The following DACH1 variants were observed in gnomAD, a reference collection of about 807,000 sequenced individuals.
DACH1 encodes the protein dachshund family transcription factor 1, also known as dachshund homolog 1.
Under a neutral mutation model 54.2 loss-of-function variants are expected in DACH1, and 12 were observed. The observed-to-expected ratio is 0.22, with a 90% CI of 0.14 to 0.36. DACH1 has a LOEUF of 0.36. DACH1 is among the 10% of genes least tolerant of loss of function. The pLI, the probability that DACH1 is intolerant of heterozygous loss-of-function variation, is 1.00. For missense variants in DACH1, 805 were observed against 929.8 expected (o/e 0.87, Z 1.75); for synonymous variants, 386 against 366.2 (o/e 1.05, Z -0.62).
intron 2 of DACH1, among the ~76,000 whole-genome samples, chr13:71,680,086 A>G (rs1254479100): frequency 6.6e-6 from 1 of 152,236 alleles, no homozygotes; most frequent in Non-Finnish European, 1.5e-5. Context: ...AGGATTAACA[A>G]CGTACTACCT....
At chr13:71,770,917 T>G (rs1455003024) in intron 1 of DACH1, among the ~76,000 whole-genome samples, 1 of 151,586 alleles carries the variant, frequency 6.6e-6, no homozygotes, top group Non-Finnish European at 1.5e-5. Context: ...GATTGGAATT[T>G]GTGTTAACTT....
chr13:71,661,742 T>C (rs1879502747), intron 2 of DACH1, among the ~76,000 whole-genome samples: 1 of 152,030 alleles, frequency 6.6e-6, no homozygotes, highest in Admixed American at 6.6e-5. Flanking sequence ...AAAACATCCC[T>C]GTACAACACA....
chr13:71,446,770 G>T (rs1281657369), intron 10 of DACH1, among the ~76,000 whole-genome samples: 1 of 152,204 alleles, frequency 6.6e-6, no homozygotes, highest in Admixed American at 6.5e-5. Context: ...CCTCCTGGGA[G>T]CAGGGCTTCT....
chr13:71,703,583 G>T (rs1206993021), intron 1 of DACH1, among the ~76,000 whole-genome samples: 3 of 152,198 alleles, frequency 2.0e-5, no homozygotes, highest in African/African-American at 7.2e-5. Context: ...TATTTTTTGT[G>T]ATACTTAAAA....
intron 1 of DACH1, among the ~76,000 whole-genome samples, chr13:71,746,508 A>G (rs1884607307): frequency 6.6e-6 from 1 of 152,184 alleles, no homozygotes; most frequent in South Asian, 2.1e-4. Context: ...ATCAACTACA[A>G]AAATTCCCAG....
intron 1 of DACH1, among the ~76,000 whole-genome samples, chr13:71,825,508 G>A (rs1888345722): frequency 6.6e-6 from 1 of 152,090 alleles, no homozygotes; most frequent in Non-Finnish European, 1.5e-5. Flanking sequence ...TTAGGTGTGA[G>A]TAATTTTGCC....
At chr13:71,508,324 T>G (rs1241852083) in intron 6 of DACH1, among the ~76,000 whole-genome samples, 1 of 152,226 alleles carries the variant, frequency 6.6e-6, no homozygotes, top group East Asian at 1.9e-4. Context: ...TGACTTGGGC[T>G]TCTGTTCCCT....
intron 1 of DACH1, among the ~76,000 whole-genome samples, chr13:71,812,262 C>T (rs933566693): frequency 2.0e-5 from 3 of 152,160 alleles, no homozygotes; most frequent in African/African-American, 7.2e-5. Context: ...TTGGTGTCTA[C>T]TTGTCTCCCT....
chr13:71,831,524 G>C (rs560522301), intron 1 of DACH1, among the ~76,000 whole-genome samples: 2 of 151,694 alleles, frequency 1.3e-5, no homozygotes, highest in Admixed American at 1.3e-4. Context: ...GTGATATATA[G>C]GGTGGGCTTT....
intron 1 of DACH1, among the ~76,000 whole-genome samples, chr13:71,810,733 A>T (rs1887676789): frequency 6.6e-6 from 1 of 152,196 alleles, no homozygotes; most frequent in Admixed American, 6.5e-5. Context: ...AACAAAATGC[A>T]CTACGTTACA....
At chr13:71,573,855 T>C (rs1023128961) in intron 3 of DACH1, among the ~76,000 whole-genome samples, 6 of 152,104 alleles carry the variant, frequency 3.9e-5, no homozygotes, top group Admixed American at 3.3e-4. Context: ...TATGAAATGG[T>C]CTCTATTATA....
At chr13:71,742,273 C>T (rs74099118) in intron 1 of DACH1, among the ~76,000 whole-genome samples, 14,589 of 152,156 alleles carry the variant, frequency 0.096, 1,201 homozygotes, top group East Asian at 0.29. Context: ...AGCATGCAAA[C>T]AGACTAATAC....
intron 3 of DACH1, among the ~76,000 whole-genome samples, chr13:71,612,307 A>C (rs911528216): frequency 2.0e-5 from 3 of 152,120 alleles, no homozygotes; most frequent in African/African-American, 4.8e-5. Flanking sequence ...TATATTATAC[A>C]ATAATGTAAT....
chr13:71,632,770 C>T (rs1029340151), intron 2 of DACH1, among the ~76,000 whole-genome samples: 1 of 152,124 alleles, frequency 6.6e-6, no homozygotes, highest in Non-Finnish European at 1.5e-5. Flanking sequence ...CTGATAATCA[C>T]CCCTTAAAAG....
At chr13:71,512,588 A>G (rs1445457059) in intron 6 of DACH1, among the ~76,000 whole-genome samples, 1 of 151,980 alleles carries the variant, frequency 6.6e-6, no homozygotes, top group African/African-American at 2.4e-5. Context: ...AAAAATTTGG[A>G]TAATTTTGGC....
chr13:71,770,867 C>T (rs1885825609), intron 1 of DACH1, among the ~76,000 whole-genome samples: 1 of 151,502 alleles, frequency 6.6e-6, no homozygotes, highest in Non-Finnish European at 1.5e-5. Context: ...ACTGATCTTT[C>T]CTTGACTACA....
chr13:71,698,773 AAT>A (rs1410072119), intron 1 of DACH1, among the ~76,000 whole-genome samples: 1 of 152,060 alleles, frequency 6.6e-6, no homozygotes, highest in Non-Finnish European at 1.5e-5. Flanking sequence ...TTGTGGATGC[AAT>A]ATGTTATTAA....
chr13:71,529,670 T>C (rs1351451039), intron 6 of DACH1, among the ~76,000 whole-genome samples: 1 of 152,214 alleles, frequency 6.6e-6, no homozygotes, highest in Non-Finnish European at 1.5e-5. Context: ...TCAAATGGAA[T>C]AATCCAGTTG....
chr13:71,613,691 G>T (rs932539584), intron 3 of DACH1, among the ~76,000 whole-genome samples: 16 of 152,100 alleles, frequency 1.1e-4, no homozygotes, highest in African/African-American at 3.1e-4. Flanking sequence ...TTTCTAGATT[G>T]ACTGTCTGAG....
Sources: allele counts gnomAD v4.1 joint callset (sites outside exome capture counted in the v4.1 genomes callset), GRCh38; gene constraint gnomAD v4.1.1; transcripts MANE v1.5; gene names NCBI Gene and HGNC (gene_info 2026-07-23, HGNC 2026-07-21).